The following LAMA1 variants were observed in gnomAD, a reference collection of about 807,000 sequenced individuals.
LAMA1 encodes laminin subunit alpha-1.
A neutral mutation model predicts 348.7 loss-of-function variants in LAMA1; 219 were observed. That is an observed-to-expected ratio of 0.63 (90% CI 0.56 to 0.70). The LOEUF (loss-of-function observed/expected upper bound fraction) is 0.70. Ranked by LOEUF, LAMA1 falls within the 30% of genes least tolerant of loss-of-function variation. The pLI, the probability that LAMA1 is intolerant of heterozygous loss-of-function variation, is 0.00. For synonymous variants in LAMA1, 1,487 were observed against 1,491.0 expected, an observed-to-expected ratio of 1.00 and a Z score of 0.06; for missense variants, 3,744 against 3,888.0, an observed-to-expected ratio of 0.96 and a Z score of 0.99.
rs1415294834 is a variant in LAMA1 at position 6,965,291 on chromosome 18, G to T, written c.7192C>A (p.Gln2398Lys). 1.2e-6 allele frequency: 2 copies of T among 1,614,042 alleles called. No homozygotes were observed. The highest frequency in any genetic ancestry group is 1.7e-6 in the Non-Finnish European group (2 of 1,180,030). ...YKIAFQRNRKQGVLAVIDAYN... is the reference protein window; with the variant it reads ...YKIAFQRNRKKGVLAVIDAYN... ...GTGAGTCCATCTGTGTCCCTACCTT[G>T]CTTCCGGTTTCGCTGGAAGGCAATT... Residue 2398 changes from glutamine (Q) to lysine (K), a missense_variant, in exon 50 of 63, where the codon CAA (glutamine) becomes AAA (lysine). Physicochemically the swap from Gln to Lys is moderately conservative, Grantham distance 53. Transcript: ENST00000389658.
Position 7,024,453 on chromosome 18 carries a change from AG to A in LAMA1, c.2415del (p.Cys806AlafsTer66), listed in dbSNP as rs2144144150. 1 of 1,613,860 alleles carries A rather than the reference AG, an allele frequency of 6.2e-7. No homozygotes were observed. The highest frequency in any genetic ancestry group is 2.2e-5 in the East Asian group (1 of 44,874). On this transcript the variant is annotated frameshift_variant, in exon 18 of 63. Transcript: ENST00000389658. LOFTEE classifies it high-confidence loss of function. ...ACTTCATCTCCATCATTGAGGTGGCAGGTGGGGCTGAAACTGTCAAAACATT... is the reference window on the plus strand; with the variant it reads ...ACTTCATCTCCATCATTGAGGTGGCAGTGGGGCTGAAACTGTCAAAACATT... The part of the protein sequence containing the change: ...LTIASNNFSP[T>X]CHLNDGDEVV...
In LAMA1 at chr18:6,942,006, A is replaced by T; in HGVS notation, c.*73T>A. The T allele has an allele frequency of 6.4e-7, 1 of 1,564,186 alleles. No homozygotes were observed. The highest frequency in any genetic ancestry group is 8.8e-7 in the Non-Finnish European group (1 of 1,137,868). ...GTTGGAAATGAAATATGAACTGAAG[A>T]GATTCTTAATTCACACATACACTTC... On this transcript the variant is annotated 3_prime_UTR_variant, in exon 63 of 63. Coordinates refer to ENST00000389658, the MANE Select transcript of LAMA1 (RefSeq NM_005559.4).
rs2057797394 is a variant in LAMA1 at position 6,999,441 on chromosome 18, T to A, written c.4663+4A>T. The A allele has an allele frequency of 6.2e-7, 1 of 1,614,160 alleles. No homozygotes were observed. ...CTTTACACATTTAGAGGAGAAATAC[T>A]CACAAACACAATCTGTTTCCATCAG... On this transcript the variant is annotated splice_donor_region_variant and intron_variant, in intron 32 of 62. Coordinates refer to ENST00000389658, the MANE Select transcript of LAMA1 (RefSeq NM_005559.4).
chr18:6,961,399 T>C (rs2057606496), intron 53 of LAMA1, among the ~76,000 whole-genome samples, 187 bp downstream of exon 53: 1 of 152,224 alleles, frequency 6.6e-6, no homozygotes, highest in Non-Finnish European at 1.5e-5. Flanking sequence ...GATTATGCAA[T>C]ATGAGAAATC....
chr18:6,980,604 T>C lies in LAMA1; in HGVS notation c.5924A>G (p.Lys1975Arg). ...IALELSELRN[K>R]TNRFQENAVE... is the part of the protein sequence containing the mutation. ...AGCATTCTCTTGAAATCTGTTTGTC[T>C]TATTTCTCAATTCACTCAGTTCCAA... The change falls in exon 42 of 63, where the codon AAG (lysine) becomes AGG (arginine). Residue 1975 changes from lysine (K) to arginine (R), a missense_variant. By Grantham distance (26) the Lys-to-Arg change is conservative (BLOSUM62 2). Transcript: ENST00000389658. The C allele has an allele frequency of 6.2e-7, 1 of 1,612,960 alleles. No homozygotes were observed. Among genetic ancestry groups the C allele is most frequent in the Non-Finnish European group, 8.5e-7 (1 of 1,179,054 alleles).
chr18:6,947,816 A>G (rs1445463364), intron 60 of LAMA1, among the ~76,000 whole-genome samples: 1 of 152,154 alleles, frequency 6.6e-6, no homozygotes, highest in Non-Finnish European at 1.5e-5. Flanking sequence ...GGGTGGGGCT[A>G]TTGACAACAG....
chr18:7,097,985 T>C (rs28548125), intron 1 of LAMA1, among the ~76,000 whole-genome samples: 3 of 147,396 alleles, frequency 2.0e-5, no homozygotes, highest in Admixed American at 1.4e-4. Flanking sequence ...TCAGCCTGCC[T>C]AGTGCCTGCG....
Position 7,104,515 on chromosome 18 carries a change from A to G in LAMA1, c.61+13145T>C, listed in dbSNP as rs535676409. Among the ~76,000 whole-genome samples the G allele has an allele frequency of 2.0e-5, 3 of 152,232 alleles. No homozygotes were observed. The East Asian group carries it at 5.8e-4, about 29-fold the overall frequency. On this transcript the variant is annotated intron_variant, in intron 1 of 62. Coordinates refer to ENST00000389658, the MANE Select transcript of LAMA1 (RefSeq NM_005559.4). ...TAAGAAGGATGACAGGGTGGGCTGGAGTCCGTCAGAGTGCCATAGGTGAAA... is the reference window on the plus strand; with the variant it reads ...TAAGAAGGATGACAGGGTGGGCTGGGGTCCGTCAGAGTGCCATAGGTGAAA...
intron 3 of LAMA1, among the ~76,000 whole-genome samples, chr18:7,073,374 G>A (rs971409782): frequency 2.0e-5 from 3 of 151,962 alleles, no homozygotes; most frequent in Non-Finnish European, 4.4e-5. Flanking sequence ...CAGAACTTCC[G>A]AACCTAAACT....
chr18:6,946,124 A>T (rs975255953), intron 61 of LAMA1, among the ~76,000 whole-genome samples: 2 of 152,020 alleles, frequency 1.3e-5, no homozygotes, highest in African/African-American at 4.8e-5. Flanking sequence ...AAAAAATAAC[A>T]TGTTCTACAT....
intron 60 of LAMA1, among the ~76,000 whole-genome samples, chr18:6,947,651 T>C (rs1473607928): frequency 6.6e-6 from 1 of 152,202 alleles, no homozygotes; most frequent in African/African-American, 2.4e-5. Context: ...TTTATCATCA[T>C]CCGAGAATAG....
At position 6,977,875 on chromosome 18, in the gene LAMA1, AAC is replaced by A; in HGVS notation, c.6195_6196del (p.Leu2066GlyfsTer17). Reference sequence around the variant, plus strand: ...CACGTCTTTGACTTTTCTTCCAGCCAACAGAGCTAACAAATACAAGAAGGCAA... The same window carrying A: ...CACGTCTTTGACTTTTCTTCCAGCCAAGAGCTAACAAATACAAGAAGGCAA... On this transcript the variant is annotated frameshift_variant, in exon 44 of 63. Coordinates refer to ENST00000389658, the MANE Select transcript of LAMA1 (RefSeq NM_005559.4). LOFTEE classifies it high-confidence loss of function. The A allele has an allele frequency of 6.2e-7, 1 of 1,611,742 alleles. No homozygotes were observed. The highest frequency in any genetic ancestry group is 8.5e-7 in the Non-Finnish European group (1 of 1,180,002).
chr18:6,980,020 C>A (rs1318187604), intron 42 of LAMA1, among the ~76,000 whole-genome samples: 1 of 149,218 alleles, frequency 6.7e-6, no homozygotes, highest in Admixed American at 6.6e-5. Flanking sequence ...CTGTAGACCC[C>A]CCCAAAAAAT....
rs1251737102 is a variant in LAMA1 at position 7,048,424 on chromosome 18, A to AT, written c.768+653dup. ...AACGGACACAACTACTTTTATTTTT[A>AT]TTTTTTAAATAGAGTTGAGGTCTCA... On this transcript the variant is annotated intron_variant, in intron 5 of 62. Coordinates refer to ENST00000389658, the MANE Select transcript of LAMA1 (RefSeq NM_005559.4). Among the ~76,000 whole-genome samples the AT allele has an allele frequency of 8.5e-5, 13 of 152,190 alleles. No homozygotes were observed. The East Asian group carries it at 2.3e-3, about 27-fold the overall frequency.
intron 4 of LAMA1, 60 bp downstream of exon 4, chr18:7,050,634 T>A: frequency 6.2e-7 from 1 of 1,611,270 alleles, no homozygotes; most frequent in Non-Finnish European, 8.5e-7. Flanking sequence ...CAATTTTGAG[T>A]CTGAGACAGG....
intron 48 of LAMA1, among the ~76,000 whole-genome samples, chr18:6,967,083 T>TA (rs2057636557): frequency 6.6e-6 from 1 of 152,162 alleles, no homozygotes; most frequent in African/African-American, 2.4e-5. Flanking sequence ...GTTAGAGGTG[T>TA]AACAACAAAA....
intron 23 of LAMA1, among the ~76,000 whole-genome samples, chr18:7,012,887 C>T (rs1189216112): frequency 4.7e-5 from 7 of 149,216 alleles, no homozygotes; most frequent in African/African-American, 1.5e-4. Context: ...AGTCTGGGCA[C>T]GGTGGTTCAC....
chr18:6,984,248 G>A (rs1480094519), intron 39 of LAMA1, among the ~76,000 whole-genome samples: 1 of 152,112 alleles, frequency 6.6e-6, no homozygotes, highest in African/African-American at 2.4e-5. Context: ...AATTGCTTTT[G>A]TTGTGTGAAC....
intron 10 of LAMA1, 56 bp from the exon 11 acceptor site, chr18:7,039,006 AT>A: frequency 7.1e-7 from 1 of 1,414,414 alleles, no homozygotes; most frequent in South Asian, 1.1e-5. Context: ...TCCAGAGAGA[AT>A]AAAATGACAT....
Sources: gnomAD v4.1 joint callset for allele counts (sites outside exome capture counted in the v4.1 genomes callset) on GRCh38, gnomAD v4.1.1 for gene constraint, MANE v1.5 for transcripts, NCBI Gene and HGNC (gene_info 2026-07-23, HGNC 2026-07-21) for gene names.